TNFSF11: variants seen among roughly 807,000 people sequenced by gnomAD.
TNFSF11 encodes the protein TNF superfamily member 11.
TNFSF11 carries 12 observed loss-of-function variants against 32.2 expected under a neutral mutation model. That is an observed-to-expected ratio of 0.37 (90% confidence interval 0.24 to 0.60). TNFSF11 has a LOEUF of 0.60. Among genes scored for constraint, TNFSF11 ranks in the 20% least tolerant of loss-of-function variants. TNFSF11 has a pLI of 0.66. For missense variants in TNFSF11, 345 were observed against 398.0 expected, an observed-to-expected ratio of 0.87 and a Z score of 1.13; for synonymous variants, 172 against 152.1, an observed-to-expected ratio of 1.13 and a Z score of -0.96.
At position 42,585,225 on chromosome 13, in the gene TNFSF11, G is replaced by T. The variant is rs145850792; in HGVS notation, c.387+3932G>T. ...GCTAAAAATAGGATGGATGCATTAG[G>T]CATTCTTAAGTAAGTTTGTACCTTA... On this transcript the variant is annotated intron_variant, in intron 2 of 4. Transcript: ENST00000398795. Among the ~76,000 whole-genome samples the T allele has an allele frequency of 1.6e-3, 239 of 152,294 alleles. 2 individuals are homozygous for T. Among genetic ancestry groups the T allele is most frequent in the African/African-American group, 5.7e-3 (235 of 41,564 alleles).
chr13:42,607,552 TG>T lies in TNFSF11; in HGVS notation c.*638del, dbSNP rs1233175852. 2.0e-5 allele frequency: 3 copies of T among 152,798 alleles called. No homozygotes were observed. The highest frequency in any genetic ancestry group is 4.4e-5 in the Non-Finnish European group (3 of 68,042). The allele number at this position is 152,798 out of a possible 1,614,324, so 9.5% of individuals were successfully genotyped here. A position where few individuals can be genotyped will look rare whatever the true frequency, so the allele number is the denominator to read the frequency against. ...TAACTGGTGCACTTTGTAAATTCCCTGGGGAAAACTTGCAGCTAAGGAGGGG... is the reference window on the plus strand; with the variant it reads ...TAACTGGTGCACTTTGTAAATTCCCTGGGAAAACTTGCAGCTAAGGAGGGG... On this transcript the variant is annotated 3_prime_UTR_variant, in exon 5 of 5. Transcript: ENST00000398795.
chr13:42,571,970 T>C (rs979260020), upstream of TNFSF11, among the ~76,000 whole-genome samples: 4 of 152,220 alleles, frequency 2.6e-5, no homozygotes, highest in Non-Finnish European at 5.9e-5. Context: ...CAGAGGTGAA[T>C]AATACAGCAA....
intron 2 of TNFSF11, among the ~76,000 whole-genome samples, chr13:42,568,348 T>C (rs1452188461): frequency 6.6e-6 from 1 of 152,262 alleles, no homozygotes; most frequent in African/African-American, 2.4e-5. Context: ...CCTTCCTGCC[T>C]GCAGGTTGTA....
chr13:42,603,116 C>T (rs7990107), intron 4 of TNFSF11, among the ~76,000 whole-genome samples: 6,199 of 152,220 alleles, frequency 0.041, 406 homozygotes, highest in African/African-American at 0.14. Flanking sequence ...GAGGAAGTGG[C>T]TTTAAATTTG....
At chr13:42,598,891 A>G (rs1240821635) in intron 2 of TNFSF11, among the ~76,000 whole-genome samples, 1 of 152,250 alleles carries the variant, frequency 6.6e-6, no homozygotes, top group Non-Finnish European at 1.5e-5. Context: ...TCCAGAAATT[A>G]GGCACCATTG....
chr13:42,601,589 A>G (rs1214743803), intron 4 of TNFSF11, among the ~76,000 whole-genome samples: 1 of 152,220 alleles, frequency 6.6e-6, no homozygotes, highest in African/African-American at 2.4e-5. Context: ...TCCATCATAC[A>G]ACCCCCACTG....
At chr13:42,566,454 C>G (rs977739810) in intron 1 of TNFSF11, among the ~76,000 whole-genome samples, 1 of 152,262 alleles carries the variant, frequency 6.6e-6, no homozygotes, top group East Asian at 1.9e-4. Flanking sequence ...CAAATAAACT[C>G]AGCAGCTTGT....
intron 2 of TNFSF11, among the ~76,000 whole-genome samples, chr13:42,567,495 T>C (rs1872909844): frequency 6.6e-6 from 1 of 152,192 alleles, no homozygotes; most frequent in African/African-American, 2.4e-5. Flanking sequence ...GTCTGATAAT[T>C]TGCCATTAGA....
intron 4 of TNFSF11, among the ~76,000 whole-genome samples, chr13:42,604,130 C>T (rs1869324450): frequency 6.6e-6 from 1 of 152,174 alleles, no homozygotes; most frequent in Non-Finnish European, 1.5e-5. Context: ...GACTTCTCTT[C>T]TGTTAAGAGA....
chr13:42,594,322 A>G (rs1228567003), intron 2 of TNFSF11, among the ~76,000 whole-genome samples: 2 of 151,828 alleles, frequency 1.3e-5, no homozygotes, highest in Admixed American at 1.3e-4. Context: ...CCTGAGGTTG[A>G]TCCACTTGCC....
chr13:42,588,315 G>A (rs772088285), intron 2 of TNFSF11, among the ~76,000 whole-genome samples: 2 of 152,232 alleles, frequency 1.3e-5, no homozygotes, highest in Non-Finnish European at 2.9e-5. Context: ...TAGGAAGCAG[G>A]AGGGTTTGCA....
intron 2 of TNFSF11, among the ~76,000 whole-genome samples, chr13:42,584,641 G>A (rs926140935): frequency 1.3e-5 from 2 of 152,200 alleles, no homozygotes; most frequent in Middle Eastern, 3.2e-3. Flanking sequence ...CATTCCAAAT[G>A]AGTAACACTA....
chr13:42,590,593 T>G (rs1228968487), intron 2 of TNFSF11, among the ~76,000 whole-genome samples: 1 of 152,214 alleles, frequency 6.6e-6, no homozygotes, highest in Non-Finnish European at 1.5e-5. Context: ...GGTGGCATTA[T>G]TTTTCAAGTG....
intron 2 of TNFSF11, among the ~76,000 whole-genome samples, chr13:42,568,923 T>C (rs1872959639): frequency 6.6e-6 from 1 of 152,210 alleles, no homozygotes; most frequent in African/African-American, 2.4e-5. Flanking sequence ...AAGTATCTTA[T>C]ACAGGGTCCT....
intron 2 of TNFSF11, among the ~76,000 whole-genome samples, chr13:42,597,365 G>A (rs1388326869): frequency 2.6e-5 from 2 of 78,066 alleles, no homozygotes; most frequent in African/African-American, 9.4e-5. Context: ...TTTTTTTAAA[G>A]CAGACATTGA....
chr13:42,597,254 C>G (rs1235247065), intron 2 of TNFSF11, among the ~76,000 whole-genome samples: 1 of 151,884 alleles, frequency 6.6e-6, no homozygotes, highest in Non-Finnish European at 1.5e-5. Flanking sequence ...TCCTTCAACA[C>G]CCAAAAGGTA....
upstream of TNFSF11, among the ~76,000 whole-genome samples, chr13:42,569,314 C>T (rs182212257): frequency 1.3e-5 from 2 of 152,032 alleles, no homozygotes; most frequent in East Asian, 1.9e-4. Flanking sequence ...TTTGTGAGGC[C>T]GAGGTGGGTG....
chr13:42,571,688 T>A (rs202234138), upstream of TNFSF11: 1 of 152,210 alleles, frequency 6.6e-6, no homozygotes, highest in South Asian at 2.1e-4. Context: ...TTTTTAATCT[T>A]CAGAGTTTCG....
At chr13:42,580,731 A>AT (rs1310399982) in intron 1 of TNFSF11, among the ~76,000 whole-genome samples, 1 of 152,114 alleles carries the variant, frequency 6.6e-6, no homozygotes, top group Non-Finnish European at 1.5e-5. Context: ...CCCATCTAGC[A>AT]TGTTGCATAT....
Sources: gnomAD v4.1 joint callset for allele counts (sites outside exome capture counted in the v4.1 genomes callset) on GRCh38, gnomAD v4.1.1 for gene constraint, MANE v1.5 for transcripts, NCBI Gene and HGNC (gene_info 2026-07-23, HGNC 2026-07-21) for gene names.